Variants in BMPR1B observed in about 807,000 individuals in gnomAD.
The protein encoded by BMPR1B is bone morphogenetic protein receptor type 1B.
BMPR1B carries 12 observed loss-of-function variants against 59.1 expected under a neutral mutation model. The observed-to-expected ratio is 0.20, with a 90% confidence interval of 0.13 to 0.33. BMPR1B has a LOEUF of 0.33. Among genes scored for constraint, BMPR1B ranks in the 10% least tolerant of loss-of-function variants. The pLI, the probability that BMPR1B is intolerant of heterozygous loss-of-function variation, is 1.00. For missense variants in BMPR1B, 550 were observed against 610.9 expected (o/e 0.90, Z 1.05); for synonymous variants, 237 against 207.3 (o/e 1.14, Z -1.23).
intron 3 of BMPR1B, among the ~76,000 whole-genome samples, chr4:95,056,181 G>A (rs1307450224): frequency 1.3e-5 from 2 of 151,986 alleles, no homozygotes; most frequent in Admixed American, 6.6e-5. Flanking sequence ...GGCCTCTTTT[G>A]GTCTTGATTA....
In BMPR1B at chr4:95,154,960, GC is replaced by G; in HGVS notation, c.*289del. 1.1e-5 allele frequency: 4 copies of G among 350,630 alleles called. No individual in the cohort carries two copies. Among genetic ancestry groups the G allele is most frequent in the South Asian group, 7.1e-5 (2 of 28,344 alleles). The allele number at this position is 350,630 out of a possible 1,614,324, so 21.7% of individuals were successfully genotyped here. A position where few individuals can be genotyped will look rare whatever the true frequency, so the allele number is the denominator to read the frequency against. ...TAAGAAAGCCCTGTATTTTGTGATT[GC>G]CTTTTTTTTTTTTTAAGATGCTTTC... On this transcript the variant is annotated 3_prime_UTR_variant, in exon 13 of 13. Transcript: ENST00000515059.
intron 3 of BMPR1B, among the ~76,000 whole-genome samples, chr4:95,074,361 T>A (rs1182628116): frequency 6.6e-6 from 1 of 152,094 alleles, no homozygotes; most frequent in Non-Finnish European, 1.5e-5. Flanking sequence ...GAACGCTGGT[T>A]TTGTTTGCCT....
At position 94,866,956 on chromosome 4, in the gene BMPR1B, C is replaced by G. The variant is rs1003278878; in HGVS notation, c.-182-8875C>G. ...AAGTCATTGATGACCAGTGATTTGT[C>G]AGATCCATGGACACTTGTTTTAGGC... On this transcript the variant is annotated intron_variant, in intron 1 of 12. Transcript: ENST00000515059. 2.6e-5 allele frequency among the ~76,000 whole-genome samples: 4 copies of G among 152,200 alleles called. No individual in the cohort carries two copies. The East Asian group carries it at 7.7e-4, about 29-fold the overall frequency.
intron 10 of BMPR1B, among the ~76,000 whole-genome samples, chr4:95,144,414 A>T (rs915030750): frequency 1.3e-5 from 2 of 152,058 alleles, no homozygotes; most frequent in African/African-American, 4.8e-5. Context: ...GACTCAAGCA[A>T]GCAATCCACC....
intron 2 of BMPR1B, among the ~76,000 whole-genome samples, chr4:94,993,969 A>G (rs941663516): frequency 6.6e-6 from 1 of 152,208 alleles, no homozygotes; most frequent in Non-Finnish European, 1.5e-5. Flanking sequence ...TTTAGATGCT[A>G]TTGAGTATAT....
At chr4:94,799,875 G>A (rs1364537346) in intron 1 of BMPR1B, among the ~76,000 whole-genome samples, 1 of 151,782 alleles carries the variant, frequency 6.6e-6, no homozygotes, top group Non-Finnish European at 1.5e-5. Context: ...GTTTTTAGTA[G>A]AGATGGAGTT....
At position 95,132,544 on chromosome 4, in the gene BMPR1B, T is replaced by C. The variant is rs564040179; in HGVS notation, c.1076+1032T>C. ...TTAAAAACAAAGCAAGAGGAAATGA[T>C]TTGGGCTATAGATTTAAGTTAGAAA... On this transcript the variant is annotated intron_variant, in intron 10 of 12. Coordinates refer to ENST00000515059, the MANE Select transcript of BMPR1B (RefSeq NM_001203.3). Among the ~76,000 whole-genome samples, 6 of 152,250 alleles carry C rather than the reference T, an allele frequency of 3.9e-5. No individual in the cohort carries two copies. In the South Asian group the frequency reaches 1.2e-3, roughly 32 times the overall value.
intron 2 of BMPR1B, among the ~76,000 whole-genome samples, chr4:94,937,757 A>T (rs961851677): frequency 1.4e-5 from 2 of 138,494 alleles, no homozygotes; most frequent in Non-Finnish European, 3.0e-5. Flanking sequence ...CAATCCATAC[A>T]CACTGCAGGA....
intron 3 of BMPR1B, among the ~76,000 whole-genome samples, chr4:95,058,609 T>C (rs1205686751): frequency 6.6e-6 from 1 of 152,178 alleles, no homozygotes; most frequent in Non-Finnish European, 1.5e-5. Flanking sequence ...CAATACAAGC[T>C]ATGCCAAGGC....
At chr4:94,968,710 C>T (rs1315633463) in intron 2 of BMPR1B, among the ~76,000 whole-genome samples, 3 of 152,148 alleles carry the variant, frequency 2.0e-5, no homozygotes, top group African/African-American at 7.2e-5. Context: ...TACTCTGTAA[C>T]ATACTGACTC....
intron 1 of BMPR1B, among the ~76,000 whole-genome samples, chr4:94,820,066 C>T (rs1724148037): frequency 6.6e-6 from 1 of 152,072 alleles, no homozygotes; most frequent in Non-Finnish European, 1.5e-5. Context: ...TTATCAGTCT[C>T]AACTACAAAA....
chr4:94,782,065 C>G (rs1424695870), intron 1 of BMPR1B, among the ~76,000 whole-genome samples: 2 of 151,276 alleles, frequency 1.3e-5, no homozygotes, highest in African/African-American at 4.9e-5. Context: ...TTCAGCTCTT[C>G]TTAAAATGAA....
chr4:95,127,044 CTGTGTGTGTGTGTG>C (rs6148578), intron 8 of BMPR1B, among the ~76,000 whole-genome samples: 2 of 146,364 alleles, frequency 1.4e-5, no homozygotes, highest in African/African-American at 2.5e-5. Flanking sequence ...AGAATTAAGA[CTGTGTGTGTGTGTG>C]TGTGTGTGTG....
At chr4:94,777,803 A>G (rs1399794857) in intron 1 of BMPR1B, among the ~76,000 whole-genome samples, 2 of 152,052 alleles carry the variant, frequency 1.3e-5, no homozygotes, top group African/African-American at 4.8e-5. Context: ...AGGTGGATGG[A>G]TCACCTGAGG....
intron 3 of BMPR1B, among the ~76,000 whole-genome samples, chr4:95,069,491 A>G (rs1216708618): frequency 6.6e-6 from 1 of 151,606 alleles, no homozygotes; most frequent in Non-Finnish European, 1.5e-5. Context: ...TTTACAACTC[A>G]CTCTCTTCAT....
chr4:94,964,602 A>G (rs1730486239), intron 2 of BMPR1B, among the ~76,000 whole-genome samples: 1 of 152,198 alleles, frequency 6.6e-6, no homozygotes, highest in Admixed American at 6.5e-5. Context: ...CATCAGAAGT[A>G]TAATATATAA....
At chr4:94,795,379 C>G (rs953207255) in intron 1 of BMPR1B, among the ~76,000 whole-genome samples, 2 of 151,776 alleles carry the variant, frequency 1.3e-5, no homozygotes, top group Non-Finnish European at 2.9e-5. Flanking sequence ...CCCACTTGAT[C>G]ATGGTGGATA....
chr4:95,125,157 G>T, intron 8 of BMPR1B, 36 bp downstream of exon 8: 1 of 1,611,904 alleles, frequency 6.2e-7, no homozygotes, highest in South Asian at 1.1e-5. Flanking sequence ...TAAAGGAAAT[G>T]TTTTCTGAAA....
At chr4:95,034,842 A>G (rs1319909353) in intron 3 of BMPR1B, among the ~76,000 whole-genome samples, 3 of 151,992 alleles carry the variant, frequency 2.0e-5, no homozygotes, top group Non-Finnish European at 4.4e-5. Context: ...TTAGTTCTAT[A>G]AGGAATTTCC....
Sources: gnomAD v4.1 joint callset for allele counts (sites outside exome capture counted in the v4.1 genomes callset) on GRCh38, gnomAD v4.1.1 for gene constraint, MANE v1.5 for transcripts, NCBI Gene and HGNC (gene_info 2026-07-23, HGNC 2026-07-21) for gene names.